SCML2: variants seen among roughly 807,000 people sequenced by gnomAD.
SCML2 encodes sex comb on midleg-like protein 2.
Under a neutral mutation model 48.4 loss-of-function variants are expected in SCML2, and 6 were observed. That is an observed-to-expected ratio of 0.12 (90% confidence interval 0.07 to 0.24). The LOEUF (loss-of-function observed/expected upper bound fraction) is 0.24. SCML2 is among the 10% of genes least tolerant of loss of function. The pLI is 1.00. For missense variants in SCML2, 377 were observed against 528.2 expected (o/e 0.71, Z 2.81); for synonymous variants, 181 against 189.5 (o/e 0.95, Z 0.37).
chrX:18,262,235 C>CT (rs1927091479), intron 8 of SCML2, among the ~76,000 whole-genome samples: 1 of 104,777 alleles, frequency 9.5e-6, no homozygotes, highest in Non-Finnish European at 1.9e-5. Flanking sequence ...ATATTTGGGT[C>CT]TTTAAAAAAA....
intron 5 of SCML2, 137 bp downstream of exon 5, chrX:18,323,722 T>C: frequency 2.1e-6 from 1 of 487,628 alleles, no homozygotes; most frequent in Non-Finnish European, 3.6e-6. Context: ...TCTCTCATCA[T>C]ACATTCTCCA....
chrX:18,293,849 A>C (rs1928307364), intron 7 of SCML2, among the ~76,000 whole-genome samples: 2 of 112,499 alleles, frequency 1.8e-5, no homozygotes, highest in South Asian at 7.3e-4. Context: ...GAATGTCTTC[A>C]TTGTACTGAA....
intron 6 of SCML2, among the ~76,000 whole-genome samples, chrX:18,312,978 C>CGTGT (rs72406000): frequency 0.018 from 1,673 of 94,964 alleles, 18 homozygotes; most frequent in African/African-American, 0.044. Flanking sequence ...AATGGGTGTG[C>CGTGT]GTGTGTGTGT....
intron 10 of SCML2, among the ~76,000 whole-genome samples, chrX:18,257,818 G>A (rs1353788627): frequency 9.5e-6 from 1 of 105,020 alleles, no homozygotes; most frequent in Non-Finnish European, 1.9e-5. Context: ...AACCTGGGAG[G>A]TGGAGGCTGC....
intron 1 of SCML2, among the ~76,000 whole-genome samples, chrX:18,337,196 G>T (rs1164059258): frequency 9.4e-6 from 1 of 106,100 alleles, no homozygotes; most frequent in African/African-American, 3.5e-5. Context: ...CAGCTACTTG[G>T]GAGGCTGAGA....
chrX:18,342,433 C>G (rs1379436385), intron 1 of SCML2, among the ~76,000 whole-genome samples: 1 of 111,656 alleles, frequency 9.0e-6, no homozygotes, highest in Non-Finnish European at 1.9e-5. Context: ...ACAGTTGGGC[C>G]GGGCGCAGTG....
In SCML2 at chrX:18,291,341, G is replaced by A. The variant is rs775905097; in HGVS notation, c.730+13631C>T. On this transcript the variant is annotated intron_variant, in intron 7 of 14. Coordinates refer to ENST00000251900, the MANE Select transcript of SCML2 (RefSeq NM_006089.3). Reference sequence around the variant, plus strand: ...CAAGAGGGAAAAAGCCACACAGCTTGCTGAATTTTCTATCCAAGTAAGTTT... The same window carrying A: ...CAAGAGGGAAAAAGCCACACAGCTTACTGAATTTTCTATCCAAGTAAGTTT... Among the ~76,000 whole-genome samples the A allele has an allele frequency of 1.1e-4, 12 of 111,979 alleles. No individual in the cohort carries two copies. In the Admixed American group the frequency reaches 1.1e-3, roughly 11 times the overall value.
intron 8 of SCML2, among the ~76,000 whole-genome samples, chrX:18,264,668 G>T (rs1927197735): frequency 9.0e-6 from 1 of 111,531 alleles, no homozygotes; most frequent in Admixed American, 9.6e-5. Context: ...AATTTGTGCA[G>T]ATTCTAAATT....
intron 7 of SCML2, among the ~76,000 whole-genome samples, chrX:18,278,481 A>G (rs1927721102): frequency 8.9e-6 from 1 of 112,173 alleles, no homozygotes; most frequent in Non-Finnish European, 1.9e-5. Flanking sequence ...AAGGAGGCAG[A>G]GACAGGCCTT....
intron 6 of SCML2, among the ~76,000 whole-genome samples, chrX:18,310,610 ATTTTAC>A (rs1332710401): frequency 2.8e-5 from 3 of 106,270 alleles, no homozygotes; most frequent in Non-Finnish European, 5.8e-5. Flanking sequence ...ATTTTATTTT[ATTTTAC>A]TTTTACTTTT....
chrX:18,254,446 A>C (rs774559719), intron 11 of SCML2, among the ~76,000 whole-genome samples: 20 of 112,288 alleles, frequency 1.8e-4, no homozygotes, highest in Non-Finnish European at 3.4e-4. Context: ...TAACCCCTAA[A>C]ATAATGTAAA....
At chrX:18,307,923 G>A (rs976111465) in intron 6 of SCML2, among the ~76,000 whole-genome samples, 3 of 110,277 alleles carry the variant, frequency 2.7e-5, no homozygotes, top group Non-Finnish European at 3.8e-5. Context: ...GTGGAACCCC[G>A]TCTCTACTAA....
intron 2 of SCML2, among the ~76,000 whole-genome samples, chrX:18,331,110 A>C (rs1380510046): frequency 1.8e-5 from 2 of 108,737 alleles, no homozygotes; most frequent in Admixed American, 9.9e-5. Flanking sequence ...AATAGAAAAA[A>C]TTAGCCAGGC....
intron 1 of SCML2, among the ~76,000 whole-genome samples, chrX:18,340,282 C>G (rs1055713151): frequency 9.0e-6 from 1 of 111,267 alleles, no homozygotes; most frequent in Non-Finnish European, 1.9e-5. Context: ...GCCATGGTGG[C>G]ACACACCTGC....
intron 7 of SCML2, among the ~76,000 whole-genome samples, chrX:18,273,275 C>T (rs1461043944): frequency 9.0e-6 from 1 of 110,957 alleles, no homozygotes; most frequent in African/African-American, 3.3e-5. Context: ...AAATCATTCA[C>T]TCTCACGTTC....
chrX:18,273,013 C>A (rs1285481333), intron 7 of SCML2, among the ~76,000 whole-genome samples: 2 of 112,027 alleles, frequency 1.8e-5, no homozygotes, highest in Non-Finnish European at 3.8e-5. Context: ...ATATCACCAA[C>A]AACTTCCTAA....
At chrX:18,278,314 C>A (rs373000802) in intron 7 of SCML2, among the ~76,000 whole-genome samples, 5 of 111,289 alleles carry the variant, frequency 4.5e-5, no homozygotes, top group African/African-American at 1.6e-4. Flanking sequence ...CACAGGGTAC[C>A]CGAATGCAAG....
intron 8 of SCML2, among the ~76,000 whole-genome samples, chrX:18,261,861 T>C (rs370699645): frequency 9.1e-6 from 1 of 110,317 alleles, no homozygotes. Context: ...TTCTTACTTT[T>C]ATTTTTCATT....
At chrX:18,301,684 G>A (rs758403269) in intron 7 of SCML2, among the ~76,000 whole-genome samples, 63 of 111,020 alleles carry the variant, frequency 5.7e-4, no homozygotes, top group Middle Eastern at 9.3e-3. Context: ...GAGGCAAGAG[G>A]ATCAATTGCT....
Sources: gnomAD v4.1 joint callset for allele counts (sites outside exome capture counted in the v4.1 genomes callset) on GRCh38, gnomAD v4.1.1 for gene constraint, MANE v1.5 for transcripts, NCBI Gene and HGNC (gene_info 2026-07-23, HGNC 2026-07-21) for gene names.